ZNF143: variants seen among roughly 807,000 people sequenced by gnomAD.
ZNF143 encodes the protein SPH-binding factor.
A neutral mutation model predicts 74.1 loss-of-function variants in ZNF143; 49 were observed. The ratio of observed to expected loss-of-function variants is 0.66; its 90% CI spans 0.53 to 0.84. The LOEUF (loss-of-function observed/expected upper bound fraction) is 0.84. Among genes scored for constraint, ZNF143 ranks in the 40% least tolerant of loss-of-function variants. The pLI is 0.00. For missense variants in ZNF143, 637 were observed against 793.4 expected (o/e 0.80, Z 2.37); for synonymous variants, 304 against 282.8 (o/e 1.07, Z -0.75).
chr11:9,508,046 A>G (rs1280962027), intron 11 of ZNF143, among the ~76,000 whole-genome samples: 1 of 152,238 alleles, frequency 6.6e-6, no homozygotes, highest in Non-Finnish European at 1.5e-5. Context: ...TGGGACAAAA[A>G]TTAAAGTATT....
At chr11:9,500,189 C>T (rs1377949647) in intron 10 of ZNF143, among the ~76,000 whole-genome samples, 2 of 151,940 alleles carry the variant, frequency 1.3e-5, no homozygotes, top group Non-Finnish European at 2.9e-5. Flanking sequence ...TCAAGTGATC[C>T]GCCTGCCTTA....
At chr11:9,497,863 C>G in intron 10 of ZNF143, 63 bp downstream of exon 10, 1 of 1,271,982 alleles carries the variant, frequency 7.9e-7, no homozygotes, top group Non-Finnish European at 1.0e-6. Context: ...CGGAGTCTCG[C>G]TCTGTCGCCT....
chr11:9,471,912 T>C (rs1856596679), intron 2 of ZNF143, among the ~76,000 whole-genome samples: 1 of 147,198 alleles, frequency 6.8e-6, no homozygotes, highest in Non-Finnish European at 1.5e-5. Flanking sequence ...TTTTTTCTTT[T>C]TCTTTTTCTT....
chr11:9,491,724 G>T (rs1236483203), intron 7 of ZNF143, among the ~76,000 whole-genome samples: 14 of 152,130 alleles, frequency 9.2e-5, no homozygotes, highest in Non-Finnish European at 1.8e-4. Flanking sequence ...TAACCTCCTG[G>T]ACTCGCGCGA....
chr11:9,481,288 G>A (rs1282785776), intron 7 of ZNF143, among the ~76,000 whole-genome samples: 6 of 152,174 alleles, frequency 3.9e-5, no homozygotes, highest in Admixed American at 3.3e-4. Context: ...TTTGGGAGGC[G>A]AGGGCAGGAG....
chr11:9,524,462 T>A (rs576349143), intron 14 of ZNF143, among the ~76,000 whole-genome samples: 62 of 152,358 alleles, frequency 4.1e-4, no homozygotes, highest in African/African-American at 1.5e-3. Context: ...TTGGGATTGA[T>A]CCAAGCTAAA....
chr11:9,488,374 A>G (rs1589893827), intron 7 of ZNF143, among the ~76,000 whole-genome samples: 2 of 152,140 alleles, frequency 1.3e-5, no homozygotes, highest in Admixed American at 6.5e-5. Context: ...TCAGGGTAGT[A>G]TTTATTGCTT....
At chr11:9,494,500 A>G (rs1847891063) in intron 7 of ZNF143, 146 bp from the exon 8 acceptor site, 6 of 676,462 alleles carry the variant, frequency 8.9e-6, no homozygotes, top group East Asian at 3.0e-5. Flanking sequence ...GTATAGAGAC[A>G]GGGTTTTGTC....
rs201824332 is a variant in ZNF143, at chr11:9,486,445, T to TTATATATATAATATATTA, written c.645+6908_645+6909insAATATATTATATATATAT. 1.1e-3 allele frequency among the ~76,000 whole-genome samples: 40 copies of TTATATATATAATATATTA among 35,458 alleles called. 2 individuals carry two copies. Among genetic ancestry groups the TTATATATATAATATATTA allele is most frequent in the East Asian group, 7.5e-3 (14 of 1,862 alleles). 23.3% of individuals were successfully genotyped at this position (35,458 alleles called of 152,430 possible). On this transcript the variant is annotated intron_variant, in intron 7 of 15. Coordinates refer to ENST00000396602, the MANE Select transcript of ZNF143 (RefSeq NM_003442.6). ...TTATATATATTATATATATAATATATTATATATATTATATATATATAAAAG... is the reference window on the plus strand; with the variant it reads ...TTATATATATTATATATATAATATATTATATATATAATATATTATATATATATTATATATATATAAAAG...
intron 2 of ZNF143, 93 bp downstream of exon 2, chr11:9,471,513 AAAC>A: frequency 1.1e-6 from 1 of 897,326 alleles, no homozygotes; most frequent in Non-Finnish European, 1.6e-6. Flanking sequence ...ATTTAGCAGA[AAAC>A]AATATAAACC....
chr11:9,462,663 C>T (rs1023744724), intron 1 of ZNF143, among the ~76,000 whole-genome samples: 4 of 152,168 alleles, frequency 2.6e-5, no homozygotes, highest in African/African-American at 7.2e-5. Context: ...CACCTGAGGT[C>T]AGGAGTTCGA....
At chr11:9,478,061 C>T (rs1334548562) in intron 5 of ZNF143, among the ~76,000 whole-genome samples, 1 of 152,084 alleles carries the variant, frequency 6.6e-6, no homozygotes, top group East Asian at 1.9e-4. Context: ...CTCCTGACCT[C>T]GTGATCCGCC....
At chr11:9,493,179 C>T (rs981221240) in intron 7 of ZNF143, among the ~76,000 whole-genome samples, 3 of 151,476 alleles carry the variant, frequency 2.0e-5, no homozygotes, top group African/African-American at 7.3e-5. Context: ...AAGCGATTCT[C>T]CTGCCTCAGC....
In ZNF143 at chr11:9,528,237, T is replaced by G. The variant is rs1849193257; in HGVS notation, c.*624T>G. On this transcript the variant is annotated 3_prime_UTR_variant, in exon 16 of 16. Coordinates refer to ENST00000396602, the MANE Select transcript of ZNF143 (RefSeq NM_003442.6). ...CATTACATTGAATTATGTACAAAAT[T>G]ATAAAATTTGGTTATTTAAAATTAA... is the stretch of plus-strand genomic sequence containing the variant. The G allele has an allele frequency of 6.6e-6, 1 of 152,342 alleles. No individual in the cohort carries two copies. The highest frequency in any genetic ancestry group is 2.1e-4 in the South Asian group (1 of 4,834). The allele number at this position is 152,342 out of a possible 1,614,324, so 9.4% of individuals were successfully genotyped here.
At chr11:9,511,928 T>C (rs1470235179) in intron 12 of ZNF143, among the ~76,000 whole-genome samples, 1 of 150,996 alleles carries the variant, frequency 6.6e-6, no homozygotes, top group Non-Finnish European at 1.5e-5. Flanking sequence ...ATTTTTTGTA[T>C]TTTTAGTAGA....
At chr11:9,465,576 TG>T (rs1466964030) in intron 1 of ZNF143, among the ~76,000 whole-genome samples, 1 of 151,598 alleles carries the variant, frequency 6.6e-6, no homozygotes, top group Non-Finnish European at 1.5e-5. Flanking sequence ...CTCGGCTCTC[TG>T]CAAGCTCTGC....
intron 7 of ZNF143, among the ~76,000 whole-genome samples, chr11:9,486,536 C>T (rs1590558484): frequency 7.7e-6 from 1 of 129,060 alleles, no homozygotes; most frequent in East Asian, 2.1e-4. Flanking sequence ...CCCTCATCTG[C>T]CAAGGCCAGC....
intron 1 of ZNF143, chr11:9,462,126 A>G (rs1037067462): frequency 1.3e-5 from 2 of 152,260 alleles, no homozygotes; most frequent in Admixed American, 1.3e-4. Context: ...AGATCACTCA[A>G]AAACACCCAT....
intron 12 of ZNF143, among the ~76,000 whole-genome samples, chr11:9,510,120 CT>C (rs59202962): frequency 4.3e-3 from 603 of 140,662 alleles, no homozygotes; most frequent in African/African-American, 5.3e-3. Flanking sequence ...TTCCTATATT[CT>C]TTTTTTTTTT....
Sources: allele counts gnomAD v4.1 joint callset (sites outside exome capture counted in the v4.1 genomes callset), GRCh38; gene constraint gnomAD v4.1.1; transcripts MANE v1.5; gene names NCBI Gene and HGNC (gene_info 2026-07-23, HGNC 2026-07-21).